Variants in MAP2K6 observed in about 807,000 individuals in gnomAD.
The protein encoded by MAP2K6 is dual specificity mitogen-activated protein kinase kinase 6.
Under a neutral mutation model 53.7 loss-of-function variants are expected in MAP2K6, and 16 were observed. That is an observed-to-expected ratio of 0.30 (90% CI 0.20 to 0.45). The LOEUF (loss-of-function observed/expected upper bound fraction) is 0.45. MAP2K6 is among the 20% of genes least tolerant of loss of function. The pLI is 1.00. For synonymous variants in MAP2K6, 132 were observed against 143.1 expected (o/e 0.92, Z 0.55); for missense variants, 204 against 411.9 (o/e 0.50, Z 4.37).
chr17:69,482,029 G>T (rs550974955), intron 1 of MAP2K6, among the ~76,000 whole-genome samples: 1 of 152,050 alleles, frequency 6.6e-6, no homozygotes, highest in Non-Finnish European at 1.5e-5. Flanking sequence ...TCTAGTGTAG[G>T]GTTGGCCCCA....
chr17:69,492,815 C>T (rs1325959678), intron 1 of MAP2K6, among the ~76,000 whole-genome samples: 1 of 152,072 alleles, frequency 6.6e-6, no homozygotes, highest in African/African-American at 2.4e-5. Context: ...ATCACATCTG[C>T]AAAAAATTAT....
At position 69,507,568 on chromosome 17, in the gene MAP2K6, AC is replaced by A. The variant is rs1316059172; in HGVS notation, c.83+1723del. On this transcript the variant is annotated intron_variant, in intron 2 of 11. Transcript: ENST00000590474. ...TTGTTATTTCATGATTGTTATATAA[AC>A]AAAATCATGCATCTCTTTTTGAGAT... is the stretch of plus-strand genomic sequence containing the variant. 1.3e-4 allele frequency among the ~76,000 whole-genome samples: 20 copies of A among 152,070 alleles called. 1 individual carries two copies. Among genetic ancestry groups the A allele is most frequent in the East Asian group, 5.8e-4 (3 of 5,198 alleles).
In MAP2K6 at chr17:69,494,326, C is replaced by T. The variant is rs1342441206; in HGVS notation, c.17-11454C>T. Reference sequence around the variant, plus strand: ...CAGCCTGGCCAACACGGTAAAACCTCATCTCTACTAAAAATACAAAAATTA... The same window carrying T: ...CAGCCTGGCCAACACGGTAAAACCTTATCTCTACTAAAAATACAAAAATTA... On this transcript the variant is annotated intron_variant, in intron 1 of 11. Coordinates refer to ENST00000590474, the MANE Select transcript of MAP2K6 (RefSeq NM_002758.4). This position sits in a 1 kb window ranked among gnomAD's most constrained non-coding sequence, Gnocchi z 4.2. Among the ~76,000 whole-genome samples, 2 of 151,764 alleles carry T rather than the reference C, an allele frequency of 1.3e-5. No homozygotes were observed. The highest frequency in any genetic ancestry group is 4.8e-5 in the African/African-American group (2 of 41,324).
chr17:69,532,435 A>G (rs1911131995), intron 10 of MAP2K6, among the ~76,000 whole-genome samples: 2 of 152,216 alleles, frequency 1.3e-5, no homozygotes, highest in Admixed American at 6.5e-5. Context: ...GTGTTGTGGC[A>G]TTTGGAAAAG....
At position 69,497,588 on chromosome 17, in the gene MAP2K6, C is replaced by A. The variant is rs1908998419; in HGVS notation, c.17-8192C>A. 2.0e-5 allele frequency among the ~76,000 whole-genome samples: 3 copies of A among 151,382 alleles called. 1 individual carries two copies. The South Asian group carries it at 6.2e-4, about 31-fold the overall frequency. On this transcript the variant is annotated intron_variant, in intron 1 of 11. Transcript: ENST00000590474. ...CTCTACTGAAAAACATACATGACTT[C>A]TCTTTTTACATCTGAAATTTAAAAT...
intron 7 of MAP2K6, among the ~76,000 whole-genome samples, chr17:69,522,580 A>T (rs982980582): frequency 1.3e-5 from 2 of 152,080 alleles, no homozygotes; most frequent in African/African-American, 4.8e-5. Context: ...AGATAATCGT[A>T]GTTCCATTTT....
chr17:69,488,390 C>T (rs143365479), intron 1 of MAP2K6, among the ~76,000 whole-genome samples: 161 of 152,180 alleles, frequency 1.1e-3, no homozygotes, highest in African/African-American at 3.7e-3. Flanking sequence ...TAAAACAGAG[C>T]TACCATTTGA....
intron 1 of MAP2K6, among the ~76,000 whole-genome samples, chr17:69,427,437 TA>T (rs1165336877): frequency 1.3e-5 from 2 of 152,194 alleles, no homozygotes; most frequent in African/African-American, 4.8e-5. Flanking sequence ...AAAAGGAAGA[TA>T]AAAATACAGG....
chr17:69,522,807 G>A (rs1346704481), intron 7 of MAP2K6, among the ~76,000 whole-genome samples: 1 of 151,328 alleles, frequency 6.6e-6, no homozygotes, highest in Non-Finnish European at 1.5e-5. Flanking sequence ...TGTAATCACA[G>A]CCCTTTGGGA....
In MAP2K6 at chr17:69,520,231, T is replaced by C. The variant is rs758793108; in HGVS notation, c.367-39T>C. On this transcript the variant is annotated intron_variant, in intron 5 of 11. Coordinates refer to ENST00000590474, the MANE Select transcript of MAP2K6 (RefSeq NM_002758.4). Reference sequence around the variant, plus strand: ...TTTTTTATTTTTATTTCTCCCTTTTTCATCCTTTTAAACAATTCCTGAAAC... The same window carrying C: ...TTTTTTATTTTTATTTCTCCCTTTTCCATCCTTTTAAACAATTCCTGAAAC... 26 of 1,028,076 alleles carry C rather than the reference T, an allele frequency of 2.5e-5. No individual in the cohort carries two copies. In the Admixed American group the frequency reaches 3.0e-4, roughly 12 times the overall value. The allele number at this position is 1,028,076 out of a possible 1,614,324, so 63.7% of individuals were successfully genotyped here.
At chr17:69,495,404 T>C (rs920295098) in intron 1 of MAP2K6, among the ~76,000 whole-genome samples, 2 of 151,886 alleles carry the variant, frequency 1.3e-5, no homozygotes, top group Non-Finnish European at 2.9e-5. Flanking sequence ...CCCAGCTAAT[T>C]GTTGTATTTT....
rs2715818 is a variant in MAP2K6, at chr17:69,490,710, A to T, written c.17-15070A>T. Among the ~76,000 whole-genome samples, 355 of 147,630 alleles carry T rather than the reference A, an allele frequency of 2.4e-3. 1 individual carries two copies. The highest frequency in any genetic ancestry group is 4.0e-3 in the Non-Finnish European group (264 of 66,506). On this transcript the variant is annotated intron_variant, in intron 1 of 11. Coordinates refer to ENST00000590474, the MANE Select transcript of MAP2K6 (RefSeq NM_002758.4). ...AAACTTGGTGGTTTAAAACCCCTGA[A>T]TTTTTTTTTTTTAAGTTTTGTTTTA... is the stretch of plus-strand genomic sequence containing the variant.
At chr17:69,520,428 A>G (rs1249654425) in intron 6 of MAP2K6, 42 bp downstream of exon 6, 7 of 1,209,832 alleles carry the variant, frequency 5.8e-6, no homozygotes, top group South Asian at 3.9e-5. Flanking sequence ...AATGTGAGAA[A>G]TAAAGTCCCT....
intron 2 of MAP2K6, among the ~76,000 whole-genome samples, chr17:69,515,690 C>T (rs1008260226): frequency 6.6e-6 from 1 of 152,112 alleles, no homozygotes; most frequent in Non-Finnish European, 1.5e-5. Context: ...GTGCTGTGCA[C>T]AGAAGAAATA....
chr17:69,540,791 A>G (rs1911576944), intron 11 of MAP2K6, among the ~76,000 whole-genome samples: 1 of 152,188 alleles, frequency 6.6e-6, no homozygotes. Flanking sequence ...ATTATTTTTC[A>G]GATGGATCAA....
At chr17:69,524,057 C>A (rs1910633879) in intron 8 of MAP2K6, among the ~76,000 whole-genome samples, 1 of 152,028 alleles carries the variant, frequency 6.6e-6, no homozygotes, top group African/African-American at 2.4e-5. Flanking sequence ...AATAAGGGCC[C>A]CAATCCTATT....
chr17:69,521,806 C>CAAAAAAAA (rs71293537), intron 7 of MAP2K6: 15 of 79,348 alleles, frequency 1.9e-4, no homozygotes, highest in East Asian at 6.2e-4. Flanking sequence ...GATAAATGTA[C>CAAAAAAAA]AAAAAAAAAA....
At chr17:69,492,095 G>A (rs147711828) in intron 1 of MAP2K6, among the ~76,000 whole-genome samples, 9 of 152,132 alleles carry the variant, frequency 5.9e-5, no homozygotes, top group Admixed American at 2.6e-4. Context: ...ATTTTTTCCC[G>A]TTCTGTAGGT....
At chr17:69,462,147 G>A (rs968397018) in intron 1 of MAP2K6, among the ~76,000 whole-genome samples, 2 of 152,128 alleles carry the variant, frequency 1.3e-5, no homozygotes, top group Admixed American at 6.5e-5. Context: ...GCACATTGCA[G>A]AATCCTTCAC....
Sources: gnomAD v4.1 joint callset for allele counts (sites outside exome capture counted in the v4.1 genomes callset) on GRCh38, gnomAD v4.1.1 for gene constraint, Gnocchi (gnomAD v3.1) non-coding constraint, MANE v1.5 for transcripts, NCBI Gene and HGNC (gene_info 2026-07-23, HGNC 2026-07-21) for gene names.